TTN: variants seen among roughly 807,000 people sequenced by gnomAD.
TTN encodes titin.
In TTN, 1,525 loss-of-function variants were observed where a neutral mutation model predicts 3,223.0. The observed-to-expected ratio is 0.47, with a 90% CI of 0.45 to 0.49. The LOEUF is 0.49. TTN is among the 20% of genes least tolerant of loss of function. TTN has a pLI of 0.00. For synonymous variants in TTN, 14,094 were observed against 15,161.0 expected (o/e 0.93, Z 5.17); for missense variants, 40,786 against 43,424.0 (o/e 0.94, Z 5.40).
chr2:178,573,687 C>G lies in TTN; in HGVS notation c.72445G>C (p.Asp24149His). ...TGATCAATTTTGGCACCTCCATCAT[C>G]CAGTGGAGGGAACCATGATAGTACA... ...KCVLSWFPPL[D>H]DGGAKIDHYI... is the part of the protein sequence containing the mutation. The change falls in exon 326 of 363, where the codon GAT becomes CAT. Residue 24149 changes from aspartate to histidine, a missense_variant. Physicochemically the swap from Asp to His is moderately conservative, Grantham distance 81 (BLOSUM62 -1). Coordinates refer to ENST00000589042, the MANE Select transcript of TTN (RefSeq NM_001267550.2). 6.6e-7 allele frequency: 1 copy of G among 1,521,676 alleles called. No individual in the cohort carries two copies. Among genetic ancestry groups the G allele is most frequent in the Middle Eastern group, 1.8e-4 (1 of 5,620 alleles). 94.3% of individuals were successfully genotyped at this position (1,521,676 alleles called of 1,614,324 possible). A position where few individuals can be genotyped will look rare whatever the true frequency, so the allele number is the denominator to read the frequency against.
chr2:178,577,964 G>C (rs773037199), intron 322 of TTN, 24 bp downstream of exon 322: 3 of 1,600,380 alleles, frequency 1.9e-6, no homozygotes, highest in Non-Finnish European at 1.7e-6. Context: ...ATGCACCTGG[G>C]TTTTTCTTCA....
In TTN at chr2:178,562,196, T is replaced by C. The variant is rs755935124; in HGVS notation, c.83936A>G (p.Gln27979Arg). Residue 27979 changes from glutamine (Q) to arginine (R), a missense_variant, in exon 326 of 363, where the codon CAA (glutamine) becomes CGA (arginine). Coordinates refer to ENST00000589042, the MANE Select transcript of TTN (RefSeq NM_001267550.2). ...FHTFNVKARE[Q>R]LKIDVPFKGR... is the part of the protein sequence containing the mutation. Reference sequence around the variant, plus strand: ...TTTGAATGGCACATCAATCTTAAGTTGTTCTCTAGCCTTTACATTGAAAGT... The same window carrying C: ...TTTGAATGGCACATCAATCTTAAGTCGTTCTCTAGCCTTTACATTGAAAGT... 9.9e-6 allele frequency: 16 copies of C among 1,612,800 alleles called. No individual in the cohort carries two copies. Among genetic ancestry groups the C allele is most frequent in the Admixed American group, 1.7e-5 (1 of 59,870 alleles).
At chr2:178,713,539 A>C (rs2076997352) in intron 92 of TTN, among the ~76,000 whole-genome samples, 167 bp from the exon 93 acceptor site, 1 of 152,162 alleles carries the variant, frequency 6.6e-6, no homozygotes, top group Non-Finnish European at 1.5e-5. Flanking sequence ...CACTATCAAA[A>C]GCTTGGAGAA....
At chr2:178,642,194 A>C in intron 219 of TTN, 43 bp downstream of exon 219, 1 of 1,477,580 alleles carries the variant, frequency 6.8e-7, no homozygotes, top group South Asian at 1.4e-5. Context: ...GTTCATTTTT[A>C]AAATATACTT....
Position 178,560,926 on chromosome 2 carries a change from T to C in TTN, c.85206A>G (p.Ala28402=). The C allele has an allele frequency of 6.2e-7, 1 of 1,613,836 alleles. No individual in the cohort carries two copies. The highest frequency in any genetic ancestry group is 1.1e-5 in the South Asian group (1 of 91,086). ...TGTCTGTTGAGATGATTTCTGTTCT[T>C]GCTCTTTCTTCAATTTCTATACCAT... ...AKDGIEIEER[A]RTEIISTDNH... The change falls in exon 326 of 363, where the codon GCA becomes GCG. Residue 28402 remains alanine (A), a synonymous_variant. Transcript: ENST00000589042.
chr2:178,589,206 C>T lies in TTN; in HGVS notation c.62519G>A (p.Gly20840Asp), dbSNP rs1326564200. ...GTTAGTTGCCGTAACTACATATTTA[C>T]CCCCATCACTTCGCTTTGCTTTAGT... is the stretch of plus-strand genomic sequence containing the variant. ...SLTKAKRSDG[G>D]KYVVTATNTA... Residue 20840 changes from glycine to aspartate, a missense_variant, in exon 304 of 363, where the codon GGT becomes GAT. Gly to Asp is a moderately conservative substitution (Grantham distance 94). Transcript: ENST00000589042. 3.1e-6 allele frequency: 5 copies of T among 1,613,510 alleles called. No individual in the cohort carries two copies. In the Admixed American group the frequency reaches 6.7e-5, roughly 22 times the overall value.
At position 178,526,953 on chromosome 2, in the gene TTN, C is replaced by T. The variant is rs72629795; in HGVS notation, c.*59G>A. 885 of 1,404,342 alleles carry T rather than the reference C, an allele frequency of 6.3e-4. 12 individuals are homozygous for T. The South Asian group carries it at 6.3e-3, about 10-fold the overall frequency. 87.0% of individuals were successfully genotyped at this position (1,404,342 alleles called of 1,614,324 possible). Reference sequence around the variant, plus strand: ...TATTTACAGTTCAGAAAGATTAGTCCGTGTGAAACGTTTGCGAAAAGTTAA... The same window carrying T: ...TATTTACAGTTCAGAAAGATTAGTCTGTGTGAAACGTTTGCGAAAAGTTAA... On this transcript the variant is annotated 3_prime_UTR_variant, in exon 363 of 363. Coordinates refer to ENST00000589042, the MANE Select transcript of TTN (RefSeq NM_001267550.2).
Position 178,570,610 on chromosome 2 carries a change from T to G in TTN, c.75522A>C (p.Ala25174=), listed in dbSNP as rs6732060. 94,997 of 1,613,380 alleles carry G rather than the reference T, an allele frequency of 0.059. 5,781 individuals are homozygous for G. Among genetic ancestry groups the G allele is most frequent in the African/African-American group, 0.22 (16,484 of 74,948 alleles). Residue 25174 remains alanine, a synonymous_variant, in exon 326 of 363, where the codon GCA becomes GCC. Transcript: ENST00000589042. Reference sequence around the variant, plus strand: ...TGTAATTTCCACTGTCGACACGTACTGCATCTTTTACACTGAGACTGGTGG... The same window carrying G: ...TGTAATTTCCACTGTCGACACGTACGGCATCTTTTACACTGAGACTGGTGG... ...DFATSLSVKD[A]VRVDSGNYIL...
rs1553620392 is a variant in TTN, at chr2:178,578,854, C to T, written c.68176G>A (p.Val22726Ile). Reference protein sequence around the residue: ...FRVSAENKYGVGEGLKSEPIV... With the variant: ...FRVSAENKYGIGEGLKSEPIV... ...GGCTCCGATTTCAGGCCTTCCCCTACACCATATTTATTTTCGGCACTGACC... is the reference window on the plus strand; with the variant it reads ...GGCTCCGATTTCAGGCCTTCCCCTATACCATATTTATTTTCGGCACTGACC... The change falls in exon 320 of 363, where the codon GTA becomes ATA. Residue 22726 changes from valine (V) to isoleucine (I), a missense_variant. Transcript: ENST00000589042. The T allele has an allele frequency of 6.2e-7, 1 of 1,613,142 alleles. No homozygotes were observed. Among genetic ancestry groups the T allele is most frequent in the Non-Finnish European group, 8.5e-7 (1 of 1,179,378 alleles).
intron 115 of TTN, 84 bp from the exon 116 acceptor site, chr2:178,694,990 ATGTGTTT>A: frequency 3.1e-6 from 3 of 980,480 alleles, no homozygotes; most frequent in Non-Finnish European, 4.6e-6. Flanking sequence ...CTCTGTGTAT[ATGTGTTT>A]ATACACACCT....
At position 178,574,511 on chromosome 2, in the gene TTN, T is replaced by C; in HGVS notation, c.71621A>G (p.Gln23874Arg). Reference protein sequence around the residue: ...ERKERNGILWQTVSKALVPGN... With the variant: ...ERKERNGILWRTVSKALVPGN... ...TGGTACTAAAGCTTTGCTCACAGTCTGCCAGAGAATACCATTTCGTTCTTT... is the reference window on the plus strand; with the variant it reads ...TGGTACTAAAGCTTTGCTCACAGTCCGCCAGAGAATACCATTTCGTTCTTT... The change falls in exon 326 of 363, where the codon CAG becomes CGG. Residue 23874 changes from glutamine (Q) to arginine (R), a missense_variant. Coordinates refer to ENST00000589042, the MANE Select transcript of TTN (RefSeq NM_001267550.2). The C allele has an allele frequency of 6.2e-7, 1 of 1,613,644 alleles. No individual in the cohort carries two copies. The highest frequency in any genetic ancestry group is 8.5e-7 in the Non-Finnish European group (1 of 1,179,620).
intron 102 of TTN, 40 bp downstream of exon 102, chr2:178,706,414 G>T (rs1285881376): frequency 1.3e-6 from 2 of 1,553,204 alleles, no homozygotes; most frequent in Non-Finnish European, 1.7e-6. Flanking sequence ...CACTTATATG[G>T]AGGGCTGATT....
At chr2:178,703,266 T>C (rs933600822) in intron 106 of TTN, among the ~76,000 whole-genome samples, 27 of 152,270 alleles carry the variant, frequency 1.8e-4, no homozygotes, top group Admixed American at 1.2e-3. Flanking sequence ...GTCTTATATG[T>C]ATAACAGTAC....
At position 178,739,576 on chromosome 2, in the gene TTN, T is replaced by G; in HGVS notation, c.13657A>C (p.Thr4553Pro). Residue 4553 changes from threonine (T) to proline (P), a missense_variant, in exon 48 of 363, where the codon ACT (threonine) becomes CCT (proline). Coordinates refer to ENST00000589042, the MANE Select transcript of TTN (RefSeq NM_001267550.2). Reference sequence around the variant, plus strand: ...ACAACAGCTGAAGCAACCCCTTTAGTGACAGGTGTGGCATCCAAATATTTA... The same window carrying G: ...ACAACAGCTGAAGCAACCCCTTTAGGGACAGGTGTGGCATCCAAATATTTA... Reference protein sequence around the residue: ...RVKYLDATPVTKGVASAVVSD... With the variant: ...RVKYLDATPVPKGVASAVVSD... 6.2e-7 allele frequency: 1 copy of G among 1,613,886 alleles called. No homozygotes were observed. Among genetic ancestry groups the G allele is most frequent in the Non-Finnish European group, 8.5e-7 (1 of 1,179,844 alleles).
intron 250 of TTN, 47 bp from the exon 251 acceptor site, chr2:178,618,900 C>T (rs1312868858): frequency 3.8e-6 from 6 of 1,584,250 alleles, no homozygotes; most frequent in Non-Finnish European, 2.6e-6. Flanking sequence ...TTAAACGTAG[C>T]CAAGCTACAT....
chr2:178,566,705 G>A lies in TTN; in HGVS notation c.79427C>T (p.Thr26476Ile), dbSNP rs1457082371. The stretch of plus-strand genomic sequence containing the variant: ...AGGATCACAGGCTTTATAATAAACT[G>A]TAGCTGGACTTGGTTCCCCAACTCC... The part of the protein sequence containing the change: ...AAGVGEPSPA[T>I]VYYKACDPVF... Residue 26476 changes from threonine (T) to isoleucine (I), a missense_variant, in exon 326 of 363, where the codon ACA (threonine) becomes ATA (isoleucine). Physicochemically the swap from Thr to Ile is moderately conservative, Grantham distance 89 (BLOSUM62 -1). Transcript: ENST00000589042. 1 of 1,613,416 alleles carries A rather than the reference G, an allele frequency of 6.2e-7. No individual in the cohort carries two copies. Among genetic ancestry groups the A allele is most frequent in the Non-Finnish European group, 8.5e-7 (1 of 1,179,666 alleles).
In TTN at chr2:178,566,583, T is replaced by G. The variant is rs1559352866; in HGVS notation, c.79549A>C (p.Ser26517Arg). 1.2e-6 allele frequency: 2 copies of G among 1,612,870 alleles called. No homozygotes were observed. Among genetic ancestry groups the G allele is most frequent in the Non-Finnish European group, 1.7e-6 (2 of 1,179,680 alleles). Residue 26517 changes from serine to arginine, a missense_variant, in exon 326 of 363, where the codon AGT becomes CGT. Transcript: ENST00000589042. ...TCTACTACATATCCCAAGATCTCAC[T>G]GCCGCCATCATAGATGGGTTTACCC... Reference protein sequence around the residue: ...AWGKPIYDGGSEILGYVVEIC... With the variant: ...AWGKPIYDGGREILGYVVEIC...
At chr2:178,587,051 A>ATTAG (rs2049163757) in intron 307 of TTN, 67 bp downstream of exon 307, 7 of 1,572,600 alleles carry the variant, frequency 4.5e-6, no homozygotes, top group Non-Finnish European at 6.1e-6. Context: ...TTAAAATGGT[A>ATTAG]TTAGTATCTT....
chr2:178,799,235 C>T, intron 6 of TTN: 1 of 511,562 alleles, frequency 2.0e-6, no homozygotes, highest in Non-Finnish European at 3.5e-6. Flanking sequence ...ACCTGCCACG[C>T]CCACACCCTA....
Sources: gnomAD v4.1 joint callset for allele counts (sites outside exome capture counted in the v4.1 genomes callset) on GRCh38, gnomAD v4.1.1 for gene constraint, MANE v1.5 for transcripts, NCBI Gene and HGNC (gene_info 2026-07-23, HGNC 2026-07-21) for gene names.